The following VSTM4 variants were observed in gnomAD, a reference collection of about 807,000 sequenced individuals.
VSTM4 encodes the protein V-set and transmembrane domain-containing protein 4.
VSTM4 carries 20 observed loss-of-function variants against 36.4 expected under a neutral mutation model. That is an observed-to-expected ratio of 0.55 (90% CI 0.39 to 0.80). The LOEUF (loss-of-function observed/expected upper bound fraction) is 0.80. VSTM4 is among the 30% of genes least tolerant of loss of function. VSTM4 has a pLI of 0.00. For missense variants in VSTM4, 392 were observed against 404.5 expected (o/e 0.97, Z 0.26); for synonymous variants, 182 against 173.9 (o/e 1.05, Z -0.37).
chr10:49,083,838 A>G (rs1844323163), intron 3 of VSTM4, among the ~76,000 whole-genome samples: 1 of 152,222 alleles, frequency 6.6e-6, no homozygotes, highest in Admixed American at 6.5e-5. Flanking sequence ...TTTTCAAAGT[A>G]TGGTCCTCAG....
chr10:49,057,251 G>A (rs574380278), intron 5 of VSTM4, among the ~76,000 whole-genome samples: 1 of 152,184 alleles, frequency 6.6e-6, no homozygotes, highest in African/African-American at 2.4e-5. Context: ...GTAAATGACA[G>A]AGGGCTAGTC....
intron 3 of VSTM4, among the ~76,000 whole-genome samples, 194 bp downstream of exon 3, chr10:49,085,761 G>C (rs1038845917): frequency 6.6e-6 from 1 of 152,044 alleles, no homozygotes; most frequent in Non-Finnish European, 1.5e-5. Context: ...AAAGGGGGAG[G>C]GATGGCATTA....
intron 7 of VSTM4, among the ~76,000 whole-genome samples, chr10:49,043,584 T>G (rs144346841): frequency 1.8e-4 from 27 of 152,002 alleles, no homozygotes; most frequent in African/African-American, 6.3e-4. Context: ...GAAAGGCAAG[T>G]AAAGGTAATG....
chr10:49,040,451 T>G (rs1262766685), intron 7 of VSTM4, among the ~76,000 whole-genome samples: 2 of 151,888 alleles, frequency 1.3e-5, no homozygotes, highest in Non-Finnish European at 2.9e-5. Context: ...CCCGGCTAAT[T>G]TTTTTTGTAA....
At position 49,032,872 on chromosome 10, in the gene VSTM4, CAG is replaced by C. The variant is rs137995320; in HGVS notation, c.838-13099_838-13098del. 2.4e-3 allele frequency among the ~76,000 whole-genome samples: 340 copies of C among 144,046 alleles called. 2 individuals are homozygous for C. The highest frequency in any genetic ancestry group is 0.014 in the South Asian group (64 of 4,520). The allele number at this position is 144,046 out of a possible 152,430, so 94.5% of individuals were successfully genotyped here. A position where few individuals can be genotyped will look rare whatever the true frequency, so the allele number is the denominator to read the frequency against. On this transcript the variant is annotated intron_variant, in intron 7 of 7. Transcript: ENST00000332853. ...AGATCAATAGAGAGAGAGAGAAAGA[CAG>C]AGAGAGAGAGAGAGAGAGGATATCT...
Position 49,084,423 on chromosome 10 carries a change from C to T in VSTM4, c.526+1532G>A, listed in dbSNP as rs896188168. ...ATCCTAGAGGCCTATGTGGGTGACACCTTATGGTCTGCAAACGATGTTCAC... is the reference window on the plus strand; with the variant it reads ...ATCCTAGAGGCCTATGTGGGTGACATCTTATGGTCTGCAAACGATGTTCAC... On this transcript the variant is annotated intron_variant, in intron 3 of 7. Transcript: ENST00000332853. Among the ~76,000 whole-genome samples, 3 of 152,304 alleles carry T rather than the reference C, an allele frequency of 2.0e-5. 1 individual carries two copies. The highest frequency in any genetic ancestry group is 4.1e-4 in the South Asian group (2 of 4,822).
At chr10:49,095,111 G>A (rs149925391) in intron 2 of VSTM4, among the ~76,000 whole-genome samples, 3 of 152,222 alleles carry the variant, frequency 2.0e-5, no homozygotes, top group East Asian at 1.9e-4. Flanking sequence ...CAAGGCGGTC[G>A]GAAAAGAAGT....
In VSTM4 at chr10:49,049,490, C is replaced by T. The variant is rs560317349; in HGVS notation, c.669-906G>A. ...CATCTTCTTGCAAATGCTTCCTATT[C>T]GCTCCAGTAATCCAGAGGGAAGTAC... On this transcript the variant is annotated intron_variant, in intron 5 of 7. Transcript: ENST00000332853. Among the ~76,000 whole-genome samples, 12 of 152,276 alleles carry T rather than the reference C, an allele frequency of 7.9e-5. No individual in the cohort carries two copies. The South Asian group carries it at 1.5e-3, about 18-fold the overall frequency.
intron 5 of VSTM4, among the ~76,000 whole-genome samples, chr10:49,052,295 G>T (rs913992468): frequency 1.3e-5 from 2 of 152,128 alleles, no homozygotes; most frequent in African/African-American, 4.8e-5. Context: ...TTTTTAAAAT[G>T]ACTCATTTAA....
chr10:49,100,970 CT>C (rs374483627), intron 2 of VSTM4, among the ~76,000 whole-genome samples: 127 of 151,948 alleles, frequency 8.4e-4, no homozygotes, highest in African/African-American at 3.0e-3. Context: ...ACATTTTAGC[CT>C]TTTGTAAAGA....
At position 49,022,039 on chromosome 10, in the gene VSTM4, C is replaced by T. The variant is rs763732682; in HGVS notation, c.838-2264G>A. Among the ~76,000 whole-genome samples, 139 of 152,268 alleles carry T rather than the reference C, an allele frequency of 9.1e-4. 1 individual carries two copies. Among genetic ancestry groups the T allele is most frequent in the Admixed American group, 2.4e-3 (36 of 15,292 alleles). ...GCTCTTTCTAGGGAAGTAACCTGAA[C>T]AGCTGCAGGGAGACTCAGCCTTCAC... is the stretch of plus-strand genomic sequence containing the variant. On this transcript the variant is annotated intron_variant, in intron 7 of 7. Coordinates refer to ENST00000332853, the MANE Select transcript of VSTM4 (RefSeq NM_001031746.5).
chr10:49,034,569 A>C (rs1843399214), intron 7 of VSTM4, among the ~76,000 whole-genome samples: 1 of 152,250 alleles, frequency 6.6e-6, no homozygotes, highest in South Asian at 2.1e-4. Flanking sequence ...ATAAATTAGA[A>C]TTGATTCTGG....
chr10:49,070,193 C>A (rs1171372123), intron 4 of VSTM4, among the ~76,000 whole-genome samples: 1 of 55,568 alleles, frequency 1.8e-5, no homozygotes, highest in Non-Finnish European at 3.1e-5. Context: ...GCGGAGCTTG[C>A]AGTGAGCCGA....
At chr10:49,072,374 C>G (rs553273020) in intron 4 of VSTM4, among the ~76,000 whole-genome samples, 1 of 152,194 alleles carries the variant, frequency 6.6e-6, no homozygotes, top group African/African-American at 2.4e-5. Flanking sequence ...CTCAGCACCA[C>G]CAATCCTCAG....
chr10:49,045,399 A>G (rs1166585323), intron 7 of VSTM4, among the ~76,000 whole-genome samples: 5 of 152,204 alleles, frequency 3.3e-5, no homozygotes, highest in African/African-American at 1.2e-4. Context: ...CAAATAATAC[A>G]TCTAGAAAGA....
chr10:49,105,434 G>T (rs946669039), intron 2 of VSTM4, among the ~76,000 whole-genome samples: 1 of 151,934 alleles, frequency 6.6e-6, no homozygotes, highest in Non-Finnish European at 1.5e-5. Context: ...GACAGACAGA[G>T]AGAGAGGAAA....
At chr10:49,070,248 G>A (rs1372375422) in intron 4 of VSTM4, among the ~76,000 whole-genome samples, 1 of 28,602 alleles carries the variant, frequency 3.5e-5, no homozygotes, top group Non-Finnish European at 5.0e-5. Context: ...GCGAGACTCC[G>A]TCTCAAAAAA....
intron 7 of VSTM4, among the ~76,000 whole-genome samples, chr10:49,040,335 T>G (rs1206519292): frequency 5.9e-5 from 9 of 152,240 alleles, no homozygotes. Context: ...TAGGCTGTAG[T>G]GCAGTGGTGT....
At chr10:49,026,630 C>T (rs1459570400) in intron 7 of VSTM4, among the ~76,000 whole-genome samples, 1 of 152,194 alleles carries the variant, frequency 6.6e-6, no homozygotes, top group Non-Finnish European at 1.5e-5. Context: ...TGGCAGCCTG[C>T]TGCCTGCTGC....
Sources: allele counts gnomAD v4.1 joint callset (sites outside exome capture counted in the v4.1 genomes callset), GRCh38; gene constraint gnomAD v4.1.1; transcripts MANE v1.5; gene names NCBI Gene and HGNC (gene_info 2026-07-23, HGNC 2026-07-21).